PPARGC1A: variants seen among roughly 807,000 people sequenced by gnomAD.
The protein encoded by PPARGC1A is peroxisome proliferator-activated receptor gamma coactivator 1-alpha.
A neutral mutation model predicts 88.7 loss-of-function variants in PPARGC1A; 25 were observed. The observed-to-expected ratio is 0.28, with a 90% CI of 0.21 to 0.39. The LOEUF (loss-of-function observed/expected upper bound fraction) is 0.39. Ranked by LOEUF, PPARGC1A falls within the 10% of genes least tolerant of loss-of-function variation. The pLI is 1.00. For synonymous variants in PPARGC1A, 363 were observed against 355.6 expected (o/e 1.02, Z -0.24); for missense variants, 880 against 968.7 (o/e 0.91, Z 1.22).
Position 23,794,633 on chromosome 4 carries a change from T to C in PPARGC1A, c.*1189A>G, listed in dbSNP as rs991494485. On this transcript the variant is annotated 3_prime_UTR_variant, in exon 13 of 13. Coordinates refer to ENST00000264867, the MANE Select transcript of PPARGC1A (RefSeq NM_013261.5). ...TTTGAATATTCTTGATTAAGAAAAA[T>C]TTAGCAGTTTTGAAAAGAAGGCTGC... 6.6e-6 allele frequency: 1 copy of C among 152,514 alleles called. No individual in the cohort carries two copies. Among genetic ancestry groups the C allele is most frequent in the Non-Finnish European group, 1.5e-5 (1 of 68,008 alleles). The allele number at this position is 152,514 out of a possible 1,614,324, so 9.4% of individuals were successfully genotyped here. A position where few individuals can be genotyped will look rare whatever the true frequency, so the allele number is the denominator to read the frequency against.
chr4:24,390,783 G>GT, the PPARGC1A span, among the ~76,000 whole-genome samples: 2 of 151,880 alleles, frequency 1.3e-5, no homozygotes, highest in Non-Finnish European at 2.9e-5. Context: ...TTTTTAAATA[G>GT]TAAGTGGATT....
the PPARGC1A span, among the ~76,000 whole-genome samples, chr4:24,359,195 G>A: frequency 6.6e-6 from 1 of 152,210 alleles, no homozygotes; most frequent in East Asian, 1.9e-4. Context: ...TTAGAGCCTA[G>A]TAAGCAAGAG....
At chr4:24,412,151 G>A in the PPARGC1A span, among the ~76,000 whole-genome samples, 1 of 152,182 alleles carries the variant, frequency 6.6e-6, no homozygotes, top group Non-Finnish European at 1.5e-5. Context: ...GAAAGTTCCT[G>A]TTGCTCTACA....
chr4:24,013,102 C>T, the PPARGC1A span, among the ~76,000 whole-genome samples: 1 of 152,262 alleles, frequency 6.6e-6, no homozygotes, highest in South Asian at 2.1e-4. Flanking sequence ...TTAGCACCTA[C>T]TACGGGCAAA....
chr4:23,913,886 C>A, the PPARGC1A span, among the ~76,000 whole-genome samples: 1 of 152,172 alleles, frequency 6.6e-6, no homozygotes, highest in Non-Finnish European at 1.5e-5. Context: ...ACACTGCGTG[C>A]CTTCCACATT....
the PPARGC1A span, among the ~76,000 whole-genome samples, chr4:23,947,503 AC>A: frequency 6.6e-6 from 1 of 151,102 alleles, no homozygotes. Context: ...GGGCAGTGTA[AC>A]CCCAGAACCT....
the PPARGC1A span, among the ~76,000 whole-genome samples, chr4:24,327,825 T>G: frequency 1.3e-5 from 2 of 152,286 alleles, no homozygotes; most frequent in African/African-American, 4.8e-5. Flanking sequence ...GGCAGGAATG[T>G]CAGGCCTCTG....
chr4:24,107,683 T>C, the PPARGC1A span, among the ~76,000 whole-genome samples: 5 of 152,298 alleles, frequency 3.3e-5, no homozygotes, highest in South Asian at 8.3e-4. Context: ...ACTGGATAGA[T>C]TATGAAGGGC....
intron 5 of PPARGC1A, among the ~76,000 whole-genome samples, chr4:23,826,122 A>T (rs1250699230): frequency 6.6e-6 from 1 of 152,150 alleles, no homozygotes; most frequent in Non-Finnish European, 1.5e-5. Context: ...GGGTACAGGT[A>T]AGGTCAAAGT....
At chr4:23,836,177 G>A (rs1363159365) in intron 2 of PPARGC1A, among the ~76,000 whole-genome samples, 1 of 152,198 alleles carries the variant, frequency 6.6e-6, no homozygotes, top group Non-Finnish European at 1.5e-5. Context: ...TGCAGAGTAG[G>A]GAGGAAGAAA....
the PPARGC1A span, among the ~76,000 whole-genome samples, chr4:24,217,670 G>T: frequency 4.6e-5 from 7 of 152,146 alleles, no homozygotes; most frequent in Non-Finnish European, 7.3e-5. Context: ...CTGTGTGGTG[G>T]TGCACACCTG....
chr4:23,824,532 AT>A, intron 5 of PPARGC1A, 24 bp from the exon 6 acceptor site: 1 of 1,548,132 alleles, frequency 6.5e-7, no homozygotes. Context: ...AAAGAAACTA[AT>A]TATGTAATAT....
the PPARGC1A span, among the ~76,000 whole-genome samples, chr4:24,411,507 C>A: frequency 6.6e-6 from 1 of 152,162 alleles, no homozygotes; most frequent in Non-Finnish European, 1.5e-5. Flanking sequence ...AATCTGTGAA[C>A]CTACATTGAC....
At chr4:23,804,744 TCCTTCCCAAAG>T (rs1719459128) in intron 10 of PPARGC1A, among the ~76,000 whole-genome samples, 1 of 152,116 alleles carries the variant, frequency 6.6e-6, no homozygotes, top group Admixed American at 6.5e-5. Flanking sequence ...CTGTGCACCT[TCCTTCCCAAAG>T]CCTTTGCACA....
At chr4:23,821,314 A>AT (rs1722978628) in intron 7 of PPARGC1A, among the ~76,000 whole-genome samples, 1 of 152,158 alleles carries the variant, frequency 6.6e-6, no homozygotes, top group African/African-American at 2.4e-5. Context: ...AAGATACTGT[A>AT]TGTGAAGTAC....
At chr4:23,913,622 C>A in the PPARGC1A span, among the ~76,000 whole-genome samples, 1 of 152,160 alleles carries the variant, frequency 6.6e-6, no homozygotes, top group South Asian at 2.1e-4. Context: ...ACAACATAAG[C>A]TCCACGAAGA....
chr4:23,970,678 T>C, the PPARGC1A span, among the ~76,000 whole-genome samples: 1 of 152,294 alleles, frequency 6.6e-6, no homozygotes, highest in African/African-American at 2.4e-5. Flanking sequence ...TTTATTCTGG[T>C]GAGTGTTTGT....
the PPARGC1A span, among the ~76,000 whole-genome samples, chr4:24,449,319 C>T: frequency 6.6e-6 from 1 of 152,206 alleles, no homozygotes; most frequent in South Asian, 2.1e-4. Context: ...GCAAACCCTG[C>T]TGCCTCAGTG....
the PPARGC1A span, among the ~76,000 whole-genome samples, chr4:24,165,925 T>C: frequency 1.3e-5 from 2 of 152,074 alleles, no homozygotes; most frequent in Admixed American, 1.3e-4. Flanking sequence ...TCACTTTAAA[T>C]AAAAAACCAG....
Sources: allele counts gnomAD v4.1 joint callset (sites outside exome capture counted in the v4.1 genomes callset), GRCh38; gene constraint gnomAD v4.1.1; transcripts MANE v1.5; gene names NCBI Gene and HGNC (gene_info 2026-07-23, HGNC 2026-07-21).